Variants in EIF4B observed in about 807,000 individuals in gnomAD.
EIF4B encodes eukaryotic translation initiation factor 4B.
In EIF4B, 8 loss-of-function variants were observed where a neutral mutation model predicts 79.3. The ratio of observed to expected loss-of-function variants is 0.10; its 90% confidence interval spans 0.06 to 0.18. The LOEUF (loss-of-function observed/expected upper bound fraction) is 0.18. EIF4B is among the 10% of genes least tolerant of loss of function. The pLI, the probability that EIF4B is intolerant of heterozygous loss-of-function variation, is 1.00. For missense variants in EIF4B, 515 were observed against 792.4 expected (o/e 0.65, Z 4.20); for synonymous variants, 238 against 274.7 (o/e 0.87, Z 1.32).
At position 53,022,605 on chromosome 12, in the gene EIF4B, A is replaced by G. The variant is rs765495801; in HGVS notation, c.645A>G (p.Arg215=). ...TDSFDDYPPR[R]GDDSFGDKYR... ...GCTTTGATGACTACCCACCTAGAAG[A>G]GGTGATGATAGCTTTGGAGACAGTA... The change falls in exon 6 of 15, where the codon AGA becomes AGG. Residue 215 remains arginine, a synonymous_variant. Coordinates refer to ENST00000262056, the MANE Select transcript of EIF4B (RefSeq NM_001417.7). The G allele has an allele frequency of 1.3e-5, 21 of 1,613,834 alleles. No individual in the cohort carries two copies. In the East Asian group the frequency reaches 4.7e-4, roughly 36 times the overall value.
chr12:53,036,885 C>G (rs1484079202), intron 10 of EIF4B, among the ~76,000 whole-genome samples: 1 of 152,034 alleles, frequency 6.6e-6, no homozygotes, highest in Non-Finnish European at 1.5e-5. Flanking sequence ...GGGGTTTCAC[C>G]ATGTTGTCCA....
intron 10 of EIF4B, among the ~76,000 whole-genome samples, chr12:53,036,722 G>A (rs578024518): frequency 8.6e-5 from 13 of 152,008 alleles, no homozygotes; most frequent in South Asian, 4.2e-4. Flanking sequence ...TTTAAAAAAC[G>A]CACGTGTAGG....
At chr12:53,029,411 T>C (rs1280724806) in intron 8 of EIF4B, among the ~76,000 whole-genome samples, 2 of 150,502 alleles carry the variant, frequency 1.3e-5, no homozygotes, top group African/African-American at 2.4e-5. Context: ...CTTGCTCTGT[T>C]TGTTGCCAGG....
At chr12:53,020,684 T>C (rs897249569) in intron 4 of EIF4B, among the ~76,000 whole-genome samples, 1 of 152,230 alleles carries the variant, frequency 6.6e-6, no homozygotes, top group African/African-American at 2.4e-5. Context: ...TCTGTAGTCC[T>C]ATTTTGCCAT....
rs1340177625 is a variant in EIF4B, at chr12:53,019,449, T to C, written c.360+443T>C. Reference sequence around the variant, plus strand: ...TATATATATATATATTTTTTTTTTTTCTTTTTTTTTTTTTTTTTTTTTTTT... The same window carrying C: ...TATATATATATATATTTTTTTTTTTCCTTTTTTTTTTTTTTTTTTTTTTTT... On this transcript the variant is annotated intron_variant, in intron 3 of 14. Coordinates refer to ENST00000262056, the MANE Select transcript of EIF4B (RefSeq NM_001417.7). Among the ~76,000 whole-genome samples the C allele has an allele frequency of 5.1e-3, 548 of 108,072 alleles. 7 individuals carry two copies. Among genetic ancestry groups the C allele is most frequent in the African/African-American group, 0.023 (528 of 23,346 alleles). 70.9% of individuals were successfully genotyped at this position (108,072 alleles called of 152,430 possible). A position where few individuals can be genotyped will look rare whatever the true frequency, so the allele number is the denominator to read the frequency against.
chr12:53,009,663 C>G (rs994135433), intron 1 of EIF4B, among the ~76,000 whole-genome samples: 1 of 152,174 alleles, frequency 6.6e-6, no homozygotes, highest in African/African-American at 2.4e-5. Context: ...ACACTGCTGA[C>G]TCTCACAGTG....
chr12:53,039,366 CT>C, intron 13 of EIF4B, 23 bp downstream of exon 13: 2 of 1,523,386 alleles, frequency 1.3e-6, no homozygotes, highest in Middle Eastern at 3.4e-4. Flanking sequence ...TCTTTCTCAT[CT>C]TTCCTCTGAT....
chr12:53,016,555 C>T lies in EIF4B; in HGVS notation c.96C>T (p.Thr32=). Residue 32 remains threonine, a synonymous_variant, in exon 2 of 15, where the codon ACC becomes ACT. Transcript: ENST00000262056. The stretch of plus-strand genomic sequence containing the variant: ...ATGGGGGTACTGGTGGAGGAAGCAC[C>T]TATGTTTCCAAACCAGTCAGCTGGG... ...AEDGGTGGGS[T]YVSKPVSWAD... 1.2e-6 allele frequency: 2 copies of T among 1,613,218 alleles called. No homozygotes were observed. The highest frequency in any genetic ancestry group is 1.1e-5 in the South Asian group (1 of 90,906).
chr12:53,036,653 A>G (rs116079142), intron 10 of EIF4B, among the ~76,000 whole-genome samples: 175 of 152,196 alleles, frequency 1.1e-3, no homozygotes, highest in African/African-American at 3.2e-3. Context: ...GCCTCAAGCA[A>G]TCCTGCCTCA....
chr12:53,028,238 A>G (rs1943374893), intron 8 of EIF4B, 50 bp downstream of exon 8: 1 of 1,526,972 alleles, frequency 6.5e-7, no homozygotes, highest in Admixed American at 2.2e-5. Flanking sequence ...TGGGAAAACT[A>G]CGGAAAATTT....
chr12:53,022,251 C>G (rs1943257040), intron 5 of EIF4B: 5 of 697,256 alleles, frequency 7.2e-6, no homozygotes, highest in Non-Finnish European at 1.3e-5. Context: ...GTATATGTTT[C>G]AGGGACTCCT....
At chr12:53,031,394 A>G (rs962077677) in intron 8 of EIF4B, among the ~76,000 whole-genome samples, 26 of 152,048 alleles carry the variant, frequency 1.7e-4, no homozygotes, top group African/African-American at 6.3e-4. Flanking sequence ...CTCCTTCCTC[A>G]TCCTCCCCAG....
In EIF4B at chr12:53,040,181, T is replaced by C. The variant is rs367634953; in HGVS notation, c.1794T>C (p.Val598=). ...CAAGCAAGTATGCTGCTCTCTCTGT[T>C]GATGGTGAAGATGAAAATGAGGGAG... ...SSASKYAALS[V]DGEDENEGED... The change falls in exon 15 of 15, where the codon GTT becomes GTC. Residue 598 remains valine, a synonymous_variant. Transcript: ENST00000262056. 6.0e-5 allele frequency: 97 copies of C among 1,614,180 alleles called. No individual in the cohort carries two copies. The highest frequency in any genetic ancestry group is 1.2e-4 in the Admixed American group (7 of 60,030).
At position 53,028,158 on chromosome 12, in the gene EIF4B, T is replaced by C. The variant is rs1344893550; in HGVS notation, c.949T>C (p.Ser317Pro). 1 of 1,610,278 alleles carries C rather than the reference T, an allele frequency of 6.2e-7. No individual in the cohort carries two copies. Among genetic ancestry groups the C allele is most frequent in the Non-Finnish European group, 8.5e-7 (1 of 1,178,786 alleles). Residue 317 changes from serine (S) to proline (P), a missense_variant, in exon 8 of 15, where the codon TCT becomes CCT. Coordinates refer to ENST00000262056, the MANE Select transcript of EIF4B (RefSeq NM_001417.7). ...GTCGTGGAGCTCCAGAGATGATTAC[T>C]CTCGGGATGATTATAGGCGTGATGA... is the stretch of plus-strand genomic sequence containing the variant. ...DRSWSSRDDY[S>P]RDDYRRDDRG...
In EIF4B at chr12:53,040,775, C is replaced by CT. The variant is rs1943621027; in HGVS notation, c.*553dup. 1 of 142,248 alleles carries CT rather than the reference C, an allele frequency of 7.0e-6. No individual in the cohort carries two copies. Among genetic ancestry groups the CT allele is most frequent in the South Asian group, 2.3e-4 (1 of 4,256 alleles). 8.8% of individuals were successfully genotyped at this position (142,248 alleles called of 1,614,324 possible). ...TTAATTCTGAGTTTTGGGGGCCAGC[C>CT]TAGAGGGAATTCCTTTTTTTTTTTT... On this transcript the variant is annotated 3_prime_UTR_variant, in exon 15 of 15. Transcript: ENST00000262056.
At chr12:53,015,680 C>A (rs1434138291) in intron 1 of EIF4B, among the ~76,000 whole-genome samples, 6 of 143,604 alleles carry the variant, frequency 4.2e-5, no homozygotes, top group African/African-American at 7.8e-5. Context: ...GACCCTGTCT[C>A]AAAAAAAAAA....
intron 10 of EIF4B, among the ~76,000 whole-genome samples, chr12:53,036,773 C>CT (rs1220763444): frequency 2.6e-5 from 4 of 152,168 alleles, no homozygotes; most frequent in African/African-American, 9.7e-5. Flanking sequence ...GTCAGCCAGG[C>CT]TGGAGTGCAG....
At chr12:53,029,468 T>C (rs765476011) in intron 8 of EIF4B, among the ~76,000 whole-genome samples, 1 of 151,356 alleles carries the variant, frequency 6.6e-6, no homozygotes, top group Non-Finnish European at 1.5e-5. Context: ...CTTTGCGTCC[T>C]AGGTTCAAGC....
chr12:53,017,724 G>T (rs2120908938), intron 2 of EIF4B, among the ~76,000 whole-genome samples: 1 of 152,238 alleles, frequency 6.6e-6, no homozygotes, highest in Non-Finnish European at 1.5e-5. Flanking sequence ...CGCCTGAGTA[G>T]TTGGGATTAC....
Sources: gnomAD v4.1 joint callset for allele counts (sites outside exome capture counted in the v4.1 genomes callset) on GRCh38, gnomAD v4.1.1 for gene constraint, MANE v1.5 for transcripts, NCBI Gene and HGNC (gene_info 2026-07-23, HGNC 2026-07-21) for gene names.